Variants in GRID2 observed in about 807,000 individuals in gnomAD.
The protein encoded by GRID2 is glutamate ionotropic receptor delta type subunit 2, also known as glutamate receptor ionotropic, delta-2.
In GRID2, 33 loss-of-function variants were observed where a neutral mutation model predicts 114.8. That is an observed-to-expected ratio of 0.29 (90% CI 0.22 to 0.38). GRID2 has a LOEUF of 0.38. GRID2 is among the 10% of genes least tolerant of loss of function. The pLI is 1.00. For missense variants in GRID2, 1,184 were observed against 1,257.7 expected, an observed-to-expected ratio of 0.94 and a Z score of 0.89; for synonymous variants, 505 against 449.9, an observed-to-expected ratio of 1.12 and a Z score of -1.55.
chr4:92,818,022 ATG>A (rs1489453400), intron 2 of GRID2, among the ~76,000 whole-genome samples: 2 of 152,128 alleles, frequency 1.3e-5, no homozygotes, highest in African/African-American at 4.8e-5. Flanking sequence ...AATCATATTC[ATG>A]TGTGTGAAAC....
At chr4:92,879,344 T>A (rs1745844082) in intron 2 of GRID2, among the ~76,000 whole-genome samples, 1 of 152,116 alleles carries the variant, frequency 6.6e-6, no homozygotes, top group Non-Finnish European at 1.5e-5. Flanking sequence ...TAGTACTTCT[T>A]CATAGGCATC....
intron 1 of GRID2, among the ~76,000 whole-genome samples, chr4:92,471,336 A>G (rs960371112): frequency 6.6e-6 from 1 of 152,082 alleles, no homozygotes; most frequent in African/African-American, 2.4e-5. Context: ...TCCAAACAAG[A>G]TTGAGGACCA....
At chr4:93,390,087 C>T (rs1021082418) in intron 8 of GRID2, among the ~76,000 whole-genome samples, 1 of 152,146 alleles carries the variant, frequency 6.6e-6, no homozygotes, top group Non-Finnish European at 1.5e-5. Context: ...CCGCACCCAG[C>T]CTGAAGCAAG....
At chr4:92,903,286 A>G (rs1216571756) in intron 2 of GRID2, among the ~76,000 whole-genome samples, 1 of 151,906 alleles carries the variant, frequency 6.6e-6, no homozygotes, top group Non-Finnish European at 1.5e-5. Flanking sequence ...GAAGGCTGAA[A>G]TAACAATGTG....
chr4:92,327,055 C>G (rs552064221), intron 1 of GRID2, among the ~76,000 whole-genome samples: 3 of 152,028 alleles, frequency 2.0e-5, no homozygotes, highest in African/African-American at 7.2e-5. Context: ...TCTTTGCTGC[C>G]AGCCGTAAAA....
At position 93,097,804 on chromosome 4, in the gene GRID2, T is replaced by C. The variant is rs1400626451; in HGVS notation, c.529+12525T>C. Reference sequence around the variant, plus strand: ...TTGGACATTTCTAGTTGTCAAAAAGTACATATGAAACTGAAAACACACACA... The same window carrying C: ...TTGGACATTTCTAGTTGTCAAAAAGCACATATGAAACTGAAAACACACACA... On this transcript the variant is annotated intron_variant, in intron 3 of 15. Coordinates refer to ENST00000282020, the MANE Select transcript of GRID2 (RefSeq NM_001510.4). 3.3e-5 allele frequency among the ~76,000 whole-genome samples: 5 copies of C among 151,952 alleles called. No homozygotes were observed. In the East Asian group the frequency reaches 9.6e-4, roughly 29 times the overall value.
intron 14 of GRID2, among the ~76,000 whole-genome samples, chr4:93,690,946 C>A (rs1230041755): frequency 6.8e-6 from 1 of 147,992 alleles, no homozygotes; most frequent in African/African-American, 2.5e-5. Context: ...TATATTATAA[C>A]ATACATAATA....
intron 2 of GRID2, among the ~76,000 whole-genome samples, chr4:93,026,696 G>T (rs948131912): frequency 2.1e-4 from 32 of 151,678 alleles, no homozygotes; most frequent in African/African-American, 7.5e-4. Flanking sequence ...TTTTCTTTTA[G>T]CCATCATTTG....
chr4:93,670,650 G>C (rs1282365464), intron 14 of GRID2, among the ~76,000 whole-genome samples: 2 of 152,338 alleles, frequency 1.3e-5, no homozygotes, highest in South Asian at 4.1e-4. Context: ...TCTGCCCCTA[G>C]AGGTAAGGGG....
intron 2 of GRID2, among the ~76,000 whole-genome samples, chr4:92,593,701 G>C (rs929313245): frequency 2.6e-5 from 4 of 151,702 alleles, no homozygotes; most frequent in African/African-American, 9.7e-5. Flanking sequence ...AAGTTATCTG[G>C]AAATAAATTA....
chr4:92,415,740 GTA>G (rs70940888), intron 1 of GRID2, among the ~76,000 whole-genome samples: 8,516 of 81,376 alleles, frequency 0.1, 476 homozygotes, highest in Non-Finnish European at 0.13. Context: ...GTGTATGTGT[GTA>G]TATATATATA....
intron 2 of GRID2, among the ~76,000 whole-genome samples, chr4:92,879,940 T>C (rs770328431): frequency 8.5e-5 from 13 of 152,200 alleles, no homozygotes; most frequent in Non-Finnish European, 1.5e-4. Flanking sequence ...TAACTTAGCT[T>C]AAATATAAGA....
chr4:93,308,147 A>G (rs1755634857), intron 8 of GRID2, among the ~76,000 whole-genome samples: 1 of 152,180 alleles, frequency 6.6e-6, no homozygotes, highest in Admixed American at 6.5e-5. Flanking sequence ...TTCTACCCTC[A>G]GTGCTCCTAT....
intron 8 of GRID2, among the ~76,000 whole-genome samples, chr4:93,277,400 T>C (rs1273714204): frequency 6.6e-6 from 1 of 151,948 alleles, no homozygotes; most frequent in African/African-American, 2.4e-5. Flanking sequence ...TTCTAACTTA[T>C]TAAAGATATT....
Position 93,541,216 on chromosome 4 carries a change from A to G in GRID2, c.2193+25805A>G, listed in dbSNP as rs925736571. Among the ~76,000 whole-genome samples, 3 of 152,304 alleles carry G rather than the reference A, an allele frequency of 2.0e-5. No individual in the cohort carries two copies. The South Asian group carries it at 6.2e-4, about 32-fold the overall frequency. ...CATTTTCCCAAAAGGCACTTAGTACATGCGGACAGTAAATCCCACAGTGTC... is the reference window on the plus strand; with the variant it reads ...CATTTTCCCAAAAGGCACTTAGTACGTGCGGACAGTAAATCCCACAGTGTC... On this transcript the variant is annotated intron_variant, in intron 13 of 15. Coordinates refer to ENST00000282020, the MANE Select transcript of GRID2 (RefSeq NM_001510.4).
At chr4:92,993,647 A>G (rs1755036500) in intron 2 of GRID2, among the ~76,000 whole-genome samples, 1 of 152,208 alleles carries the variant, frequency 6.6e-6, no homozygotes, top group Admixed American at 6.5e-5. Context: ...GGTGTTTAAG[A>G]AAATGACTGA....
intron 11 of GRID2, among the ~76,000 whole-genome samples, chr4:93,466,372 A>G (rs1328554296): frequency 6.6e-6 from 1 of 152,206 alleles, no homozygotes; most frequent in Admixed American, 6.5e-5. Context: ...AGGGCAAGAC[A>G]GAGGTAGAAG....
intron 1 of GRID2, among the ~76,000 whole-genome samples, chr4:92,444,421 TG>T (rs1466355211): frequency 3.3e-5 from 5 of 151,406 alleles, no homozygotes; most frequent in Admixed American, 1.3e-4. Context: ...AGGTGCTCAG[TG>T]GGGGTGCTTT....
chr4:92,775,885 A>T (rs1738769471), intron 2 of GRID2, among the ~76,000 whole-genome samples: 1 of 152,142 alleles, frequency 6.6e-6, no homozygotes, highest in Non-Finnish European at 1.5e-5. Context: ...CAAAAATGAG[A>T]TTCATTTTTT....
Sources: allele counts gnomAD v4.1 joint callset (sites outside exome capture counted in the v4.1 genomes callset), GRCh38; gene constraint gnomAD v4.1.1; transcripts MANE v1.5; gene names NCBI Gene and HGNC (gene_info 2026-07-23, HGNC 2026-07-21).